BRF1: variants seen among roughly 807,000 people sequenced by gnomAD.
BRF1 encodes the protein BRF1 general transcription factor IIIB subunit, also known as transcription factor IIIB 90 kDa subunit.
In BRF1, 59 loss-of-function variants were observed where a neutral mutation model predicts 81.7. The observed-to-expected ratio is 0.72, with a 90% CI of 0.59 to 0.90. The LOEUF (loss-of-function observed/expected upper bound fraction) is 0.90, where lower values mean the gene tolerates loss of function less well. Among genes scored for constraint, BRF1 ranks in the 40% least tolerant of loss-of-function variants. The pLI is 0.00. For synonymous variants in BRF1, 491 were observed against 395.6 expected, an observed-to-expected ratio of 1.24 and a Z score of -2.86; for missense variants, 1,050 against 936.3, an observed-to-expected ratio of 1.12 and a Z score of -1.58.
At chr14:105,305,884 G>A (rs1439736155), upstream of BRF1, among the ~76,000 whole-genome samples, 1 of 152,264 alleles carries the variant, frequency 6.6e-6, no homozygotes, top group Non-Finnish European at 1.5e-5. Context: ...ATTCAGCCCT[G>A]CAAGGCAGGA....
chr14:105,250,438 C>G, intron 5 of BRF1: 1 of 1,613,970 alleles, frequency 6.2e-7, no homozygotes, highest in Non-Finnish European at 8.5e-7. Flanking sequence ...TCATGTCAGA[C>G]GGATCCAGTA....
At chr14:105,240,929 C>G (rs1358913230) in intron 6 of BRF1, among the ~76,000 whole-genome samples, 1 of 152,094 alleles carries the variant, frequency 6.6e-6, no homozygotes, top group Non-Finnish European at 1.5e-5. Context: ...GAGAGAGAGG[C>G]CACACCACTG....
rs761422468 is a variant in BRF1, at chr14:105,217,334, G to A, written c.1772+210C>T. On this transcript the variant is annotated intron_variant, in intron 15 of 17. Coordinates refer to ENST00000547530, the MANE Select transcript of BRF1 (RefSeq NM_001519.4). ...ACCCCCCTGACAGCTGGACCCGCCC[G>A]TCCGCTCACAGCCTGCCAGGCCAAG... 3.0e-4 allele frequency: 223 copies of A among 743,532 alleles called. 2 individuals carry two copies. Among genetic ancestry groups the A allele is most frequent in the East Asian group, 3.3e-4 (12 of 36,608 alleles). The allele number at this position is 743,532 out of a possible 1,614,324, so 46.1% of individuals were successfully genotyped here. A position where few individuals can be genotyped will look rare whatever the true frequency, so the allele number is the denominator to read the frequency against.
At chr14:105,283,850 G>C (rs910918653) in intron 2 of BRF1, among the ~76,000 whole-genome samples, 17 of 152,240 alleles carry the variant, frequency 1.1e-4, no homozygotes, top group Admixed American at 7.2e-4. Flanking sequence ...AGATAGCCTA[G>C]TGGCACCACA....
intron 2 of BRF1, among the ~76,000 whole-genome samples, chr14:105,279,102 G>T (rs916206188): frequency 6.6e-6 from 1 of 152,026 alleles, no homozygotes; most frequent in Non-Finnish European, 1.5e-5. Flanking sequence ...CCAACTACTC[G>T]GGAGGCTGAA....
At position 105,209,978 on chromosome 14, in the gene BRF1, C is replaced by T; in HGVS notation, c.*573G>A. On this transcript the variant is annotated 3_prime_UTR_variant, in exon 18 of 18. Transcript: ENST00000547530. ...ACGAGGCAGGTATCTGGATGCAGGG[C>T]CACAGCTGGAGGCAGAGGACCTTCA... 3.4e-6 allele frequency: 1 copy of T among 293,536 alleles called. No individual in the cohort carries two copies. The highest frequency in any genetic ancestry group is 6.3e-6 in the Non-Finnish European group (1 of 158,324). The allele number at this position is 293,536 out of a possible 1,614,324, so 18.2% of individuals were successfully genotyped here.
In BRF1 at chr14:105,252,552, A is replaced by G. The variant is rs1419413708; in HGVS notation, c.499T>C (p.Phe167Leu). ...QVNVYVLGKT[F>L]LLLARELCIN... is the part of the protein sequence containing the mutation. Reference sequence around the variant, plus strand: ...CAGAGCTCTCTTGCCAAGAGAAGAAACGTCTTTCCAAGCACGTACACATTC... The same window carrying G: ...CAGAGCTCTCTTGCCAAGAGAAGAAGCGTCTTTCCAAGCACGTACACATTC... Residue 167 changes from phenylalanine to leucine, a missense_variant, in exon 5 of 18, where the codon TTT (phenylalanine) becomes CTT (leucine). Physicochemically the swap from Phe to Leu is conservative, Grantham distance 22. Transcript: ENST00000547530. 6.2e-7 allele frequency: 1 copy of G among 1,613,772 alleles called. No homozygotes were observed. Among genetic ancestry groups the G allele is most frequent in the African/African-American group, 1.3e-5 (1 of 74,938 alleles).
chr14:105,249,141 G>GC, intron 5 of BRF1: 1 of 1,559,348 alleles, frequency 6.4e-7, no homozygotes, highest in Non-Finnish European at 8.6e-7. Flanking sequence ...CCCAGCCCGT[G>GC]CCTCTACCTT....
chr14:105,281,014 C>T (rs1336885721), intron 2 of BRF1, among the ~76,000 whole-genome samples: 45 of 141,212 alleles, frequency 3.2e-4, no homozygotes, highest in Middle Eastern at 4.3e-3. Flanking sequence ...ATACAGCCTG[C>T]GTGACCCTGA....
chr14:105,220,759 C>A (rs755967748), intron 11 of BRF1, among the ~76,000 whole-genome samples: 98 of 152,356 alleles, frequency 6.4e-4, no homozygotes, highest in Non-Finnish European at 1.1e-3. Flanking sequence ...CAAGTCAACT[C>A]CAGCACAGGG....
At position 105,278,405 on chromosome 14, in the gene BRF1, C is replaced by T. The variant is rs587672945; in HGVS notation, c.266-5511G>A. ...CATGATCCTGCCACTGCAGTCCAGC[C>T]TGGGCAGCAAGAGAGCGAGACCCTG... On this transcript the variant is annotated intron_variant, in intron 2 of 17. Transcript: ENST00000547530. Among the ~76,000 whole-genome samples, 3 of 147,486 alleles carry T rather than the reference C, an allele frequency of 2.0e-5. No homozygotes were observed. In the East Asian group the frequency reaches 5.9e-4, roughly 29 times the overall value.
intron 3 of BRF1, among the ~76,000 whole-genome samples, chr14:105,261,959 C>T (rs1338816989): frequency 6.6e-6 from 1 of 152,268 alleles, no homozygotes; most frequent in Non-Finnish European, 1.5e-5. Context: ...CTGAGTGCTC[C>T]TCACCGGCAG....
At chr14:105,226,344 C>G (rs1287671748) in intron 8 of BRF1, 54 bp from the exon 9 acceptor site, 6 of 1,611,912 alleles carry the variant, frequency 3.7e-6, no homozygotes, top group Non-Finnish European at 4.2e-6. Flanking sequence ...GTGCACAGCG[C>G]AGCCTCTGGG....
intron 15 of BRF1, among the ~76,000 whole-genome samples, chr14:105,214,464 C>T (rs1027323784): frequency 1.0e-4 from 8 of 76,400 alleles, no homozygotes; most frequent in African/African-American, 5.6e-4. Flanking sequence ...GCTCAGCTGC[C>T]CACACCCCTG....
rs587710421 is a variant in BRF1 at position 105,284,984 on chromosome 14, A to C, written c.265+1312T>G. 2.6e-5 allele frequency among the ~76,000 whole-genome samples: 4 copies of C among 152,360 alleles called. No homozygotes were observed. In the South Asian group the frequency reaches 6.2e-4, roughly 24 times the overall value. On this transcript the variant is annotated intron_variant, in intron 2 of 17. Transcript: ENST00000547530. This position sits in a 1 kb window ranked among gnomAD's most constrained non-coding sequence, Gnocchi z 4.0. ...AAAGAAGTACAAAACTTATACTCTGAGAACTAATAAAATTGTTGAAACAAA... is the reference window on the plus strand; with the variant it reads ...AAAGAAGTACAAAACTTATACTCTGCGAACTAATAAAATTGTTGAAACAAA...
At chr14:105,229,017 C>T in intron 6 of BRF1, 104 bp from the exon 7 acceptor site, 1 of 1,030,694 alleles carries the variant, frequency 9.7e-7, no homozygotes, top group East Asian at 2.4e-5. Flanking sequence ...GAGATGATGG[C>T]CTGAGAAGAC....
Position 105,310,533 on chromosome 14 carries a change from CAAAAAAAAAAAAAA to C in BRF1, c.-162+4775_-162+4788del, listed in dbSNP as rs764203821. ...CGACAGACAGAGCGAGACTCTGTCT[CAAAAAAAAAAAAAA>C]AAAAAAAAGAATGTTACCCTAGTGA... On this transcript the variant is annotated intron_variant, in intron 1 of 17. Coordinates refer to the BRF1 transcript ENST00000327359. Among the ~76,000 whole-genome samples the C allele has an allele frequency of 5.0e-3, 400 of 79,726 alleles. 2 individuals are homozygous for C. The highest frequency in any genetic ancestry group is 7.9e-3 in the South Asian group (15 of 1,888). The allele number at this position is 79,726 out of a possible 152,430, so 52.3% of individuals were successfully genotyped here.
At chr14:105,279,960 CCA>C (rs2140439168) in intron 2 of BRF1, among the ~76,000 whole-genome samples, 1 of 152,362 alleles carries the variant, frequency 6.6e-6, no homozygotes, top group South Asian at 2.1e-4. Context: ...ACGACTAGAG[CCA>C]CAGGAGCTCT....
chr14:105,283,127 G>C (rs141722964), intron 2 of BRF1, among the ~76,000 whole-genome samples: 2 of 152,156 alleles, frequency 1.3e-5, no homozygotes, highest in African/African-American at 4.8e-5. Flanking sequence ...AAGGAGGTAC[G>C]GCGGGCCCAG....
Sources: allele counts gnomAD v4.1 joint callset (sites outside exome capture counted in the v4.1 genomes callset), GRCh38; gene constraint gnomAD v4.1.1; non-coding constraint Gnocchi (gnomAD v3.1); transcripts MANE v1.5; gene names NCBI Gene and HGNC (gene_info 2026-07-23, HGNC 2026-07-21).